The following ABCA12 variants were observed in gnomAD, a reference collection of about 807,000 sequenced individuals.
The protein encoded by ABCA12 is glucosylceramide transporter ABCA12.
Under a neutral mutation model 293.5 loss-of-function variants are expected in ABCA12, and 156 were observed. The ratio of observed to expected loss-of-function variants is 0.53; its 90% CI spans 0.47 to 0.61. The LOEUF (loss-of-function observed/expected upper bound fraction) is 0.61. Among genes scored for constraint, ABCA12 ranks in the 20% least tolerant of loss-of-function variants. The pLI, the probability that ABCA12 is intolerant of heterozygous loss-of-function variation, is 0.00. For missense variants in ABCA12, 2,797 were observed against 3,090.2 expected (o/e 0.91, Z 2.25); for synonymous variants, 1,063 against 1,108.0 (o/e 0.96, Z 0.81).
chr2:215,028,208 C>A (rs557849988), intron 9 of ABCA12, among the ~76,000 whole-genome samples: 3 of 152,270 alleles, frequency 2.0e-5, no homozygotes, highest in Non-Finnish European at 2.9e-5. Flanking sequence ...AACGATTAAC[C>A]TTGGCATAGC....
chr2:214,980,616 T>C lies in ABCA12; in HGVS notation c.4607A>G (p.His1536Arg), dbSNP rs981141420. ...TARTIILSTHHLDEAEVLSDR... is the reference protein window; with the variant it reads ...TARTIILSTHRLDEAEVLSDR... The stretch of plus-strand genomic sequence containing the variant: ...ACTCAGCACTTCAGCCTCGTCCAAG[T>C]GGTGCGTTGACAGAATGATTGTTCT... The change falls in exon 31 of 53, where the codon CAC (histidine) becomes CGC (arginine). Residue 1536 changes from histidine (H) to arginine (R), a missense_variant. His to Arg is a conservative substitution (Grantham distance 29). Transcript: ENST00000272895. The C allele has an allele frequency of 6.2e-7, 1 of 1,613,962 alleles. No homozygotes were observed. The highest frequency in any genetic ancestry group is 1.3e-5 in the African/African-American group (1 of 74,900).
chr2:214,948,491 A>AG, intron 47 of ABCA12, 105 bp downstream of exon 47: 2 of 1,172,964 alleles, frequency 1.7e-6, no homozygotes, highest in Non-Finnish European at 2.4e-6. Context: ...GGTGGTTTTG[A>AG]GGGGAAATGG....
chr2:215,094,529 T>C (rs927443484), intron 2 of ABCA12, among the ~76,000 whole-genome samples: 1 of 152,150 alleles, frequency 6.6e-6, no homozygotes, highest in African/African-American at 2.4e-5. Flanking sequence ...GCTCATTCCA[T>C]TCTATCGTCG....
rs376206913 is a variant in ABCA12, at chr2:215,019,391, C to A, written c.1602G>T (p.Pro534=). ...TGACATGCAGCATGGCTTCTATGAT[C>A]GGTATTAACTGAGTGATATTTTCCA... ...NYLENITQLI[P]IIEAMLHVNN... is the part of the protein sequence containing the mutation. The change falls in exon 13 of 53, where the codon CCG becomes CCT. Residue 534 remains proline (P), a synonymous_variant. Coordinates refer to ENST00000272895, the MANE Select transcript of ABCA12 (RefSeq NM_173076.3). 36 of 1,613,234 alleles carry A rather than the reference C, an allele frequency of 2.2e-5. No individual in the cohort carries two copies. The South Asian group carries it at 2.7e-4, about 12-fold the overall frequency.
chr2:215,079,451 T>C (rs1701894434), intron 2 of ABCA12, among the ~76,000 whole-genome samples: 1 of 152,196 alleles, frequency 6.6e-6, no homozygotes, highest in Non-Finnish European at 1.5e-5. Flanking sequence ...GGATAAATAA[T>C]AGAAATGAAA....
intron 21 of ABCA12, 39 bp from the exon 22 acceptor site, chr2:215,001,059 T>C (rs1187040789): frequency 6.3e-7 from 1 of 1,598,292 alleles, no homozygotes; most frequent in Admixed American, 1.7e-5. Context: ...AAGGTTATTT[T>C]ATGGTTGACG....
At chr2:214,999,953 G>A (rs1181494547) in intron 22 of ABCA12, 1 of 327,970 alleles carries the variant, frequency 3.0e-6, no homozygotes, top group Admixed American at 6.5e-5. Context: ...GGGTTGCGTA[G>A]CATGTTCAAT....
intron 2 of ABCA12, among the ~76,000 whole-genome samples, chr2:215,076,609 G>A (rs1279550921): frequency 6.6e-6 from 1 of 152,114 alleles, no homozygotes; most frequent in East Asian, 1.9e-4. Context: ...GGCCACATTT[G>A]ACAAAGTTTA....
chr2:215,025,654 T>TTC lies in ABCA12; in HGVS notation c.1287+18_1287+19insGA. 2 of 1,526,788 alleles carry TTC rather than the reference T, an allele frequency of 1.3e-6. No homozygotes were observed. Among genetic ancestry groups the TTC allele is most frequent in the South Asian group, 1.2e-5 (1 of 82,810 alleles). The allele number at this position is 1,526,788 out of a possible 1,614,324, so 94.6% of individuals were successfully genotyped here. On this transcript the variant is annotated intron_variant, in intron 11 of 52. Transcript: ENST00000272895. The stretch of plus-strand genomic sequence containing the variant: ...TTTTTTTTTTTGTTTTTTGTTTTTT[T>TTC]TTTACTTTCATGGCTTACTTTTGAT...
intron 22 of ABCA12, among the ~76,000 whole-genome samples, chr2:214,999,023 T>C (rs1700090172): frequency 6.6e-6 from 1 of 152,162 alleles, no homozygotes; most frequent in East Asian, 1.9e-4. Flanking sequence ...TCACTATCAT[T>C]CAGTATCACT....
chr2:214,997,228 A>C (rs898929932), intron 23 of ABCA12, among the ~76,000 whole-genome samples: 1 of 152,192 alleles, frequency 6.6e-6, no homozygotes, highest in Non-Finnish European at 1.5e-5. Flanking sequence ...GAAGGAGACA[A>C]GGTATACTGG....
intron 3 of ABCA12, among the ~76,000 whole-genome samples, chr2:215,056,687 C>CATT (rs1701427190): frequency 6.6e-6 from 1 of 151,960 alleles, no homozygotes; most frequent in Non-Finnish European, 1.5e-5. Flanking sequence ...ATGGAAATCA[C>CATT]AAAATAAATG....
At chr2:215,038,329 A>G (rs1431204968) in intron 7 of ABCA12, among the ~76,000 whole-genome samples, 1 of 152,178 alleles carries the variant, frequency 6.6e-6, no homozygotes, top group East Asian at 1.9e-4. Context: ...AAATAACACA[A>G]GGTTATTTAG....
chr2:215,004,363 T>C (rs901339556), intron 19 of ABCA12, 64 bp from the exon 20 acceptor site: 1 of 1,237,752 alleles, frequency 8.1e-7, no homozygotes, highest in African/African-American at 1.5e-5. Context: ...ATTGTCTCTC[T>C]AATAACCACC....
chr2:215,111,496 A>G (rs1158917161), intron 2 of ABCA12, 101 bp downstream of exon 2: 1 of 870,756 alleles, frequency 1.1e-6, no homozygotes. Flanking sequence ...TGAAAACACT[A>G]TACAAAAAAA....
At chr2:215,112,847 T>C (rs1395940296) in intron 1 of ABCA12, among the ~76,000 whole-genome samples, 2 of 152,118 alleles carry the variant, frequency 1.3e-5, no homozygotes, top group Non-Finnish European at 2.9e-5. Context: ...GAGCTGCTTT[T>C]CCTCCCCGTG....
chr2:215,112,271 T>C (rs1388550401), intron 1 of ABCA12, among the ~76,000 whole-genome samples: 2 of 151,410 alleles, frequency 1.3e-5, no homozygotes, highest in African/African-American at 4.8e-5. Context: ...TGCAGTCCCA[T>C]ATACTACTTA....
intron 2 of ABCA12, among the ~76,000 whole-genome samples, chr2:215,090,903 AAAC>A (rs1702129174): frequency 6.6e-6 from 1 of 152,074 alleles, no homozygotes; most frequent in Non-Finnish European, 1.5e-5. Context: ...ACCTGACCTA[AAAC>A]CTAAGCATCT....
At chr2:215,091,405 G>A (rs113791510) in intron 2 of ABCA12, among the ~76,000 whole-genome samples, 7,773 of 152,208 alleles carry the variant, frequency 0.051, 623 homozygotes, top group African/African-American at 0.17. Flanking sequence ...GGCTGGAGCT[G>A]TAGGCGTAGT....
Sources: allele counts gnomAD v4.1 joint callset (sites outside exome capture counted in the v4.1 genomes callset), GRCh38; gene constraint gnomAD v4.1.1; transcripts MANE v1.5; gene names NCBI Gene and HGNC (gene_info 2026-07-23, HGNC 2026-07-21).